ASIC1: variants seen among roughly 807,000 people sequenced by gnomAD.
The protein encoded by ASIC1 is acid sensing ion channel subunit 1.
ASIC1 carries 21 observed loss-of-function variants against 63.4 expected under a neutral mutation model. The ratio of observed to expected loss-of-function variants is 0.33; its 90% CI spans 0.23 to 0.48. The LOEUF (loss-of-function observed/expected upper bound fraction) is 0.48, where lower values mean the gene tolerates loss of function less well. Among genes scored for constraint, ASIC1 ranks in the 20% least tolerant of loss-of-function variants. The pLI is 0.99. For missense variants in ASIC1, 478 were observed against 695.5 expected (o/e 0.69, Z 3.52); for synonymous variants, 258 against 278.2 (o/e 0.93, Z 0.72).
intron 3 of ASIC1, chr12:50,073,742 A>G: frequency 6.5e-7 from 1 of 1,536,470 alleles, no homozygotes; most frequent in Admixed American, 2.0e-5. Context: ...GCAGTGAGGA[A>G]GGAGGCCAGT....
chr12:50,072,706 C>G (rs2137832145), intron 3 of ASIC1, among the ~76,000 whole-genome samples: 1 of 152,148 alleles, frequency 6.6e-6, no homozygotes. Context: ...CTGCAGGAGA[C>G]AGGGTCCCTC....
intron 8 of ASIC1, 116 bp downstream of exon 8, chr12:50,080,171 A>G: frequency 1.4e-6 from 2 of 1,394,954 alleles, no homozygotes; most frequent in South Asian, 1.4e-5. Flanking sequence ...AACACGGGGA[A>G]GGTCCAAAAG....
intron 1 of ASIC1, among the ~76,000 whole-genome samples, chr12:50,058,426 C>G (rs1352722488): frequency 6.6e-6 from 1 of 152,244 alleles, no homozygotes; most frequent in Non-Finnish European, 1.5e-5. Flanking sequence ...GACCCCACAT[C>G]TGGAGGGAAC....
In ASIC1 at chr12:50,081,717, C is replaced by T; in HGVS notation, c.*68C>T. On this transcript the variant is annotated 3_prime_UTR_variant, in exon 12 of 12. Coordinates refer to ENST00000447966, the MANE Select transcript of ASIC1 (RefSeq NM_001095.4). ...AGGAGAGCGAGGGGGCCCCCAGCTG[C>T]CTCCTCACATCTGCCCTGGGGACTC... 1 of 1,431,354 alleles carries T rather than the reference C, an allele frequency of 7.0e-7. No individual in the cohort carries two copies. Among genetic ancestry groups the T allele is most frequent in the Non-Finnish European group, 9.6e-7 (1 of 1,036,514 alleles). 88.7% of individuals were successfully genotyped at this position (1,431,354 alleles called of 1,614,324 possible). A position where few individuals can be genotyped will look rare whatever the true frequency, so the allele number is the denominator to read the frequency against.
Position 50,081,857 on chromosome 12 carries a change from A to G in ASIC1, c.*208A>G. The G allele has an allele frequency of 1.7e-6, 1 of 573,452 alleles. No homozygotes were observed. The highest frequency in any genetic ancestry group is 3.1e-6 in the Non-Finnish European group (1 of 324,774). 35.5% of individuals were successfully genotyped at this position (573,452 alleles called of 1,614,324 possible). On this transcript the variant is annotated 3_prime_UTR_variant, in exon 12 of 12. Coordinates refer to ENST00000447966, the MANE Select transcript of ASIC1 (RefSeq NM_001095.4). ...TTTACATTTAACAAAACTAATCTAAAAAAGAACTAAAAAGGGAGAACGGGG... is the reference window on the plus strand; with the variant it reads ...TTTACATTTAACAAAACTAATCTAAGAAAGAACTAAAAAGGGAGAACGGGG...
chr12:50,059,821 C>T lies in ASIC1; in HGVS notation c.425C>T (p.Ala142Val). The part of the protein sequence containing the change: ...EKQLEILQDK[A>V]NFRSFKPKPF... ...CAGCTGGAGATACTGCAGGACAAAGCCAACTTCCGCAGCTTCAAACCCAAA... is the reference window on the plus strand; with the variant it reads ...CAGCTGGAGATACTGCAGGACAAAGTCAACTTCCGCAGCTTCAAACCCAAA... Residue 142 changes from alanine to valine, a missense_variant, in exon 3 of 12, where the codon GCC becomes GTC. Ala to Val is a moderately conservative substitution (Grantham distance 64). Transcript: ENST00000447966. The surrounding 1 kb of genome is among the most constrained non-coding windows in gnomAD (Gnocchi z 4.6). 1 of 1,614,156 alleles carries T rather than the reference C, an allele frequency of 6.2e-7. No individual in the cohort carries two copies. The highest frequency in any genetic ancestry group is 8.5e-7 in the Non-Finnish European group (1 of 1,180,024).
intron 4 of ASIC1, 113 bp from the exon 5 acceptor site, chr12:50,077,887 C>A: frequency 6.7e-7 from 1 of 1,485,658 alleles, no homozygotes; most frequent in South Asian, 1.3e-5. Flanking sequence ...CTTCCCCCAC[C>A]CCAGCCCCAG....
intron 3 of ASIC1, among the ~76,000 whole-genome samples, chr12:50,065,270 T>C (rs1347011770): frequency 1.3e-5 from 2 of 151,944 alleles, no homozygotes; most frequent in Non-Finnish European, 2.9e-5. Flanking sequence ...GTCAGGACCC[T>C]TAGGTGTGCA....
At chr12:50,063,865 G>A (rs1467503467) in intron 3 of ASIC1, among the ~76,000 whole-genome samples, 1 of 152,042 alleles carries the variant, frequency 6.6e-6, no homozygotes, top group African/African-American at 2.4e-5. Context: ...CATCCCTAGG[G>A]CTCACCCCTC....
chr12:50,073,645 T>A (rs1302776584), intron 3 of ASIC1: 2 of 1,536,178 alleles, frequency 1.3e-6, no homozygotes, highest in Non-Finnish European at 1.7e-6. Context: ...CCCAGGGCCC[T>A]TGGGAGATAT....
intron 3 of ASIC1, among the ~76,000 whole-genome samples, chr12:50,071,561 C>T (rs1336941342): frequency 2.0e-5 from 3 of 152,054 alleles, no homozygotes; most frequent in East Asian, 1.9e-4. Flanking sequence ...GGATTACAGG[C>T]GTGAGCCACC....
intron 4 of ASIC1, among the ~76,000 whole-genome samples, chr12:50,077,688 G>T (rs909803701): frequency 5.9e-5 from 9 of 152,084 alleles, no homozygotes; most frequent in African/African-American, 2.2e-4. Context: ...TGGGGGAAAA[G>T]GGAAAAAGGG....
At position 50,074,327 on chromosome 12, in the gene ASIC1, C is replaced by T. The variant is rs1950632052; in HGVS notation, c.559-2886C>T. 2.1e-6 allele frequency: 3 copies of T among 1,414,526 alleles called. No individual in the cohort carries two copies. The highest frequency in any genetic ancestry group is 9.2e-7 in the Non-Finnish European group (1 of 1,086,546). 87.6% of individuals were successfully genotyped at this position (1,414,526 alleles called of 1,614,324 possible). A position where few individuals can be genotyped will look rare whatever the true frequency, so the allele number is the denominator to read the frequency against. On this transcript the variant is annotated intron_variant, in intron 3 of 11. Transcript: ENST00000447966. The surrounding 1 kb of genome is among the most constrained non-coding windows in gnomAD (Gnocchi z 4.2). Reference sequence around the variant, plus strand: ...TGACTGTCACCTCCTGGGGTTGGGGCTGGGGCTGGGGCTGGGGCTGATGAC... The same window carrying T: ...TGACTGTCACCTCCTGGGGTTGGGGTTGGGGCTGGGGCTGGGGCTGATGAC...
intron 11 of ASIC1, 64 bp from the exon 12 acceptor site, chr12:50,081,481 G>A: frequency 2.5e-6 from 3 of 1,190,784 alleles, no homozygotes; most frequent in South Asian, 2.4e-5. Context: ...CCTCCCGAAT[G>A]CCCCAGCACT....
chr12:50,068,300 G>A (rs1229001023), intron 3 of ASIC1, among the ~76,000 whole-genome samples: 1 of 151,850 alleles, frequency 6.6e-6, no homozygotes, highest in Non-Finnish European at 1.5e-5. Flanking sequence ...ACTAGTTTTT[G>A]GCTCTTATCT....
In ASIC1 at chr12:50,074,130, T is replaced by TG. The variant is rs1022377085; in HGVS notation, c.559-3079dup. ...CTCCACCGGGCCCTGAGGCCTTCTCTGGGGAGCCCTTTAACCTGCACCGCT... is the reference window on the plus strand; with the variant it reads ...CTCCACCGGGCCCTGAGGCCTTCTCTGGGGGAGCCCTTTAACCTGCACCGCT... On this transcript the variant is annotated intron_variant, in intron 3 of 11. Coordinates refer to ENST00000447966, the MANE Select transcript of ASIC1 (RefSeq NM_001095.4). The surrounding 1 kb of genome is among the most constrained non-coding windows in gnomAD (Gnocchi z 4.2). 1.3e-6 allele frequency: 2 copies of TG among 1,535,650 alleles called. No individual in the cohort carries two copies. Among genetic ancestry groups the TG allele is most frequent in the Non-Finnish European group, 1.7e-6 (2 of 1,146,658 alleles).
At chr12:50,067,876 T>C (rs898935300) in intron 3 of ASIC1, among the ~76,000 whole-genome samples, 4 of 152,180 alleles carry the variant, frequency 2.6e-5, no homozygotes, top group Admixed American at 6.5e-5. Flanking sequence ...CAAGCTTTAA[T>C]CTTCTTTTAA....
At chr12:50,076,838 G>A (rs1392204554) in intron 3 of ASIC1, 7 of 403,232 alleles carry the variant, frequency 1.7e-5, no homozygotes, top group Non-Finnish European at 3.4e-5. Flanking sequence ...GGCAGGATCT[G>A]TAATCATGGA....
rs775310468 is a variant in ASIC1, at chr12:50,081,299, A to G, written c.1417A>G (p.Lys473Glu). The change falls in exon 11 of 12, where the codon AAG becomes GAG. Residue 473 changes from lysine to glutamate, a missense_variant. Lys to Glu is a moderately conservative substitution (Grantham distance 56, BLOSUM62 1). Coordinates refer to ENST00000447966, the MANE Select transcript of ASIC1 (RefSeq NM_001095.4). ...GCTGTGCCGACGAGGAAAATGCCAG[A>G]AGGAGGCCAAAAGGAGCAGTGCGGA... Reference protein sequence around the residue: ...HKLCRRGKCQKEAKRSSADKG... With the variant: ...HKLCRRGKCQEEAKRSSADKG... 9.3e-6 allele frequency: 15 copies of G among 1,611,226 alleles called. No individual in the cohort carries two copies. The highest frequency in any genetic ancestry group is 1.1e-5 in the South Asian group (1 of 90,388).
Sources: allele counts gnomAD v4.1 joint callset (sites outside exome capture counted in the v4.1 genomes callset), GRCh38; gene constraint gnomAD v4.1.1; non-coding constraint Gnocchi (gnomAD v3.1); transcripts MANE v1.5; gene names NCBI Gene and HGNC (gene_info 2026-07-23, HGNC 2026-07-21).